DISC1: variants seen among roughly 807,000 people sequenced by gnomAD.
The protein encoded by DISC1 is DISC1 scaffold protein.
A neutral mutation model predicts 84.5 loss-of-function variants in DISC1; 57 were observed. The ratio of observed to expected loss-of-function variants is 0.67; its 90% CI spans 0.55 to 0.84. The LOEUF is 0.84. Among genes scored for constraint, DISC1 ranks in the 40% least tolerant of loss-of-function variants. DISC1 has a pLI of 0.00. For synonymous variants in DISC1, 411 were observed against 415.2 expected (o/e 0.99, Z 0.12); for missense variants, 1,000 against 1,057.8 (o/e 0.95, Z 0.76).
intron 12 of DISC1, among the ~76,000 whole-genome samples, chr1:232,035,777 A>G (rs190327918): frequency 1.3e-5 from 2 of 152,358 alleles, no homozygotes; most frequent in Admixed American, 1.3e-4. Flanking sequence ...TGTTCTGACT[A>G]CAAGTAAAAA....
chr1:231,694,989 C>G (rs1227800385), intron 2 of DISC1, among the ~76,000 whole-genome samples, 184 bp downstream of exon 2: 1 of 152,238 alleles, frequency 6.6e-6, no homozygotes, highest in Non-Finnish European at 1.5e-5. Context: ...GGACACAGAT[C>G]TACTCTCCTT....
At chr1:231,713,414 A>G (rs910289926) in intron 3 of DISC1, among the ~76,000 whole-genome samples, 2 of 152,144 alleles carry the variant, frequency 1.3e-5, no homozygotes, top group African/African-American at 4.8e-5. Flanking sequence ...GAACTAATGG[A>G]AACCAGAAAA....
Position 232,039,560 on chromosome 1 carries a change from A to G in DISC1, c.*2729A>G, listed in dbSNP as rs1205922006. ...TGTCTTTGCTTGGTCTTAGAGTATC[A>G]TTCAGAAAGTCCGCTAAGGGCCAGC... On this transcript the variant is annotated 3_prime_UTR_variant, in exon 13 of 13. Coordinates refer to ENST00000439617, the MANE Select transcript of DISC1 (RefSeq NM_018662.3). 1 of 152,090 alleles carries G rather than the reference A, an allele frequency of 6.6e-6. No homozygotes were observed. The highest frequency in any genetic ancestry group is 1.5e-5 in the Non-Finnish European group (1 of 68,030). The allele number at this position is 152,090 out of a possible 1,614,324, so 9.4% of individuals were successfully genotyped here.
chr1:231,738,262 C>T (rs2072781506), intron 3 of DISC1, among the ~76,000 whole-genome samples: 1 of 152,236 alleles, frequency 6.6e-6, no homozygotes, highest in African/African-American at 2.4e-5. Context: ...CTTCTCCAGT[C>T]TACAGACTCC....
At chr1:231,893,891 C>T (rs1447536218) in intron 9 of DISC1, among the ~76,000 whole-genome samples, 1 of 152,106 alleles carries the variant, frequency 6.6e-6, no homozygotes, top group Admixed American at 6.5e-5. Context: ...TTAATGGCCT[C>T]AAAAATATCA....
At chr1:231,677,139 A>G (rs544467151) in intron 1 of DISC1, among the ~76,000 whole-genome samples, 1 of 152,342 alleles carries the variant, frequency 6.6e-6, no homozygotes, top group African/African-American at 2.4e-5. Context: ...GAAGTTGCCT[A>G]CAGCTTAGAT....
chr1:231,633,701 C>T (rs1272867686), intron 1 of DISC1, among the ~76,000 whole-genome samples: 1 of 152,122 alleles, frequency 6.6e-6, no homozygotes, highest in East Asian at 1.9e-4. Context: ...ATGAACAAAT[C>T]TACCAGGAGT....
chr1:231,932,261 G>C lies in DISC1; in HGVS notation c.1982-26567G>C, dbSNP rs183378720. Reference sequence around the variant, plus strand: ...ACCTGATTTAGTGGTAAGAGGAAAGGTGCTAGTGGGAAATGCCATTATTTA... The same window carrying C: ...ACCTGATTTAGTGGTAAGAGGAAAGCTGCTAGTGGGAAATGCCATTATTTA... On this transcript the variant is annotated intron_variant, in intron 9 of 12. Coordinates refer to ENST00000439617, the MANE Select transcript of DISC1 (RefSeq NM_018662.3). 1.4e-3 allele frequency among the ~76,000 whole-genome samples: 212 copies of C among 152,318 alleles called. 1 individual carries two copies. Among genetic ancestry groups the C allele is most frequent in the African/African-American group, 4.4e-3 (182 of 41,566 alleles).
rs574364502 is a variant in DISC1 at position 231,714,104 on chromosome 1, C to A, written c.1117+12080C>A. 2.0e-5 allele frequency among the ~76,000 whole-genome samples: 3 copies of A among 151,920 alleles called. No individual in the cohort carries two copies. The East Asian group carries it at 5.8e-4, about 29-fold the overall frequency. On this transcript the variant is annotated intron_variant, in intron 3 of 12. Coordinates refer to ENST00000439617, the MANE Select transcript of DISC1 (RefSeq NM_018662.3). ...CATGTTTTTATCTACCTGGAATGAG[C>A]AATCCCAAATGGAAAATAAGAAATA... is the stretch of plus-strand genomic sequence containing the variant.
At chr1:231,664,084 A>G (rs2061801779) in intron 1 of DISC1, among the ~76,000 whole-genome samples, 1 of 147,160 alleles carries the variant, frequency 6.8e-6, no homozygotes, top group African/African-American at 2.5e-5. Flanking sequence ...CCATCCGTCT[A>G]TCTATGTCTA....
intron 4 of DISC1, among the ~76,000 whole-genome samples, chr1:231,763,266 C>T (rs1156667222): frequency 2.0e-5 from 3 of 152,174 alleles, no homozygotes; most frequent in Admixed American, 6.5e-5. Flanking sequence ...TCGGTTTCCT[C>T]ATCAGCAAAA....
intron 3 of DISC1, among the ~76,000 whole-genome samples, chr1:231,712,348 C>T (rs2067984793): frequency 6.6e-6 from 1 of 152,116 alleles, no homozygotes; most frequent in Non-Finnish European, 1.5e-5. Context: ...CACCAAAAAA[C>T]TTAAAGCAGT....
intron 8 of DISC1, among the ~76,000 whole-genome samples, chr1:231,803,229 A>G (rs551451037): frequency 2.0e-5 from 3 of 152,246 alleles, no homozygotes; most frequent in African/African-American, 7.2e-5. Flanking sequence ...GCTTCCTTAC[A>G]ACATGGCTGC....
At chr1:231,758,894 C>A (rs565947969) in intron 4 of DISC1, among the ~76,000 whole-genome samples, 2 of 152,138 alleles carry the variant, frequency 1.3e-5, no homozygotes, top group African/African-American at 4.8e-5. Context: ...TATTTGTAAC[C>A]GAAATTGTGT....
At chr1:231,965,567 G>C (rs1467492544) in intron 10 of DISC1, among the ~76,000 whole-genome samples, 1 of 152,194 alleles carries the variant, frequency 6.6e-6, no homozygotes, top group Non-Finnish European at 1.5e-5. Flanking sequence ...TTACCATCCT[G>C]TTAGGCTCCT....
intron 10 of DISC1, among the ~76,000 whole-genome samples, chr1:231,969,193 T>TTTTG (rs1412322482): frequency 3.4e-5 from 5 of 147,452 alleles, no homozygotes; most frequent in Non-Finnish European, 6.0e-5. Flanking sequence ...GCGGTTTTTT[T>TTTTG]TTTTTTTTTT....
chr1:231,989,421 A>G (rs1572513904), intron 10 of DISC1, among the ~76,000 whole-genome samples: 1 of 152,192 alleles, frequency 6.6e-6, no homozygotes, highest in Non-Finnish European at 1.5e-5. Flanking sequence ...TTACTGGCGG[A>G]TTTGCTTATC....
In DISC1 at chr1:231,936,292, A is replaced by G. The variant is rs180954802; in HGVS notation, c.1982-22536A>G. ...GATTCACCGTTTTCATCCTGCCCAT[A>G]TTCTCCCAGCATCCAGCCAATACCT... On this transcript the variant is annotated intron_variant, in intron 9 of 12. Transcript: ENST00000439617. Among the ~76,000 whole-genome samples, 15 of 151,878 alleles carry G rather than the reference A, an allele frequency of 9.9e-5. No individual in the cohort carries two copies. In the South Asian group the frequency reaches 1.3e-3, roughly 13 times the overall value.
intron 9 of DISC1, among the ~76,000 whole-genome samples, chr1:231,853,050 A>G (rs2084010680): frequency 6.6e-6 from 1 of 152,152 alleles, no homozygotes; most frequent in Non-Finnish European, 1.5e-5. Flanking sequence ...TGATTTTTAA[A>G]CAGAACCAAA....
Sources: gnomAD v4.1 joint callset for allele counts (sites outside exome capture counted in the v4.1 genomes callset) on GRCh38, gnomAD v4.1.1 for gene constraint, MANE v1.5 for transcripts, NCBI Gene and HGNC (gene_info 2026-07-23, HGNC 2026-07-21) for gene names.